The following ARCN1 variants were observed in gnomAD, a reference collection of about 807,000 sequenced individuals.
ARCN1 encodes archain 1 coat protein complex I subunit delta.
ARCN1 carries 5 observed loss-of-function variants against 60.4 expected under a neutral mutation model. That is an observed-to-expected ratio of 0.08 (90% CI 0.04 to 0.17). The LOEUF (loss-of-function observed/expected upper bound fraction) is 0.17. Among genes scored for constraint, ARCN1 ranks in the 10% least tolerant of loss-of-function variants. The pLI is 1.00. For missense variants in ARCN1, 464 were observed against 626.5 expected, an observed-to-expected ratio of 0.74 and a Z score of 2.77; for synonymous variants, 224 against 220.0, an observed-to-expected ratio of 1.02 and a Z score of -0.16.
In ARCN1 at chr11:118,583,939, G is replaced by C; in HGVS notation, c.578G>C (p.Gly193Ala). The change falls in exon 4 of 10, where the codon GGA (glycine) becomes GCA (alanine). Residue 193 changes from glycine (G) to alanine (A), a missense_variant. Physicochemically the swap from Gly to Ala is moderately conservative, Grantham distance 60 (BLOSUM62 0). Around this residue, in one of 2 missense-constraint regions of ARCN1, gnomAD observed 359 missense variants for 440.2 expected, o/e 0.82. Coordinates refer to ENST00000264028, the MANE Select transcript of ARCN1 (RefSeq NM_001655.5). Reference sequence around the variant, plus strand: ...GGATTTGGCAGCTCTGCAGTATCTGGAGGCAGCACAGCTGCCATGATCACA... The same window carrying C: ...GGATTTGGCAGCTCTGCAGTATCTGCAGGCAGCACAGCTGCCATGATCACA... ...FGGFGSSAVS[G>A]GSTAAMITET... 1 of 1,614,218 alleles carries C rather than the reference G, an allele frequency of 6.2e-7. No homozygotes were observed. The highest frequency in any genetic ancestry group is 8.5e-7 in the Non-Finnish European group (1 of 1,180,050).
At chr11:118,593,905 A>C (rs1938969432) in intron 8 of ARCN1, 3 of 399,990 alleles carry the variant, frequency 7.5e-6, no homozygotes, top group African/African-American at 2.0e-5. Flanking sequence ...TATTGAATAA[A>C]AATGAGGAGG....
chr11:118,589,229 G>C (rs1938843370), intron 5 of ARCN1, among the ~76,000 whole-genome samples: 1 of 152,054 alleles, frequency 6.6e-6, no homozygotes, highest in African/African-American at 2.4e-5. Context: ...ATAATGTTTA[G>C]AGAGAGAGAA....
intron 8 of ARCN1, among the ~76,000 whole-genome samples, chr11:118,596,245 C>T (rs1555077150): frequency 1.3e-5 from 2 of 152,160 alleles, no homozygotes; most frequent in Admixed American, 6.5e-5. Context: ...GTTATTGCTT[C>T]AGAACAATAG....
rs56050047 is a variant in ARCN1 at position 118,578,874 on chromosome 11, CTTTTTTTTTTTTTTT to C, written c.4-2354_4-2340del. 4.0e-3 allele frequency among the ~76,000 whole-genome samples: 335 copies of C among 83,484 alleles called. 3 individuals carry two copies. The highest frequency in any genetic ancestry group is 0.016 in the South Asian group (32 of 1,992). The allele number at this position is 83,484 out of a possible 152,430, so 54.8% of individuals were successfully genotyped here. ...GGCAACATGGCAAAACCCCGTCTCT[CTTTTTTTTTTTTTTT>C]TTTTTTTTTTTTTTTTTAATAAAAA... On this transcript the variant is annotated intron_variant, in intron 1 of 9. Coordinates refer to ENST00000264028, the MANE Select transcript of ARCN1 (RefSeq NM_001655.5).
chr11:118,578,122 A>G (rs1262779934), intron 1 of ARCN1, among the ~76,000 whole-genome samples: 2 of 151,958 alleles, frequency 1.3e-5, no homozygotes, highest in African/African-American at 4.8e-5. Context: ...AGATGGCACC[A>G]CTGCACTCCA....
chr11:118,588,557 ATTG>A (rs1273801987), intron 5 of ARCN1, among the ~76,000 whole-genome samples: 2 of 152,234 alleles, frequency 1.3e-5, no homozygotes, highest in Admixed American at 1.3e-4. Flanking sequence ...TTATTGTATC[ATTG>A]TTAGCCTGGC....
intron 3 of ARCN1, 134 bp from the exon 4 acceptor site, chr11:118,583,675 T>A (rs1286879326): frequency 1.1e-6 from 1 of 929,688 alleles, no homozygotes; most frequent in Non-Finnish European, 1.6e-6. Flanking sequence ...GGAGGATCAC[T>A]TGAGCCCAGG....
intron 5 of ARCN1, among the ~76,000 whole-genome samples, chr11:118,587,788 TC>T (rs1360844442): frequency 6.6e-6 from 1 of 152,202 alleles, no homozygotes; most frequent in Non-Finnish European, 1.5e-5. Flanking sequence ...CAGTCATAAG[TC>T]CAGACTTTCA....
intron 2 of ARCN1, among the ~76,000 whole-genome samples, chr11:118,582,113 T>G (rs1289261735): frequency 6.6e-6 from 1 of 151,652 alleles, no homozygotes; most frequent in Non-Finnish European, 1.5e-5. Context: ...CATTATACTT[T>G]AGTGTGGGCA....
At chr11:118,585,905 G>C (rs1938768286) in intron 5 of ARCN1, among the ~76,000 whole-genome samples, 1 of 152,158 alleles carries the variant, frequency 6.6e-6, no homozygotes, top group East Asian at 1.9e-4. Flanking sequence ...TCTCAGGGCT[G>C]TGGTACTGGT....
At chr11:118,595,434 C>T (rs1042083134) in intron 8 of ARCN1, among the ~76,000 whole-genome samples, 3 of 152,206 alleles carry the variant, frequency 2.0e-5, no homozygotes, top group African/African-American at 7.2e-5. Flanking sequence ...ATAAACTACA[C>T]ATATTTTAAT....
At chr11:118,573,035 T>C (rs1415316895) in intron 1 of ARCN1, 1 of 164,054 alleles carries the variant, frequency 6.1e-6, no homozygotes, top group Admixed American at 6.3e-5. Flanking sequence ...AATCCACTGG[T>C]GTCCAGAAAT....
chr11:118,584,720 T>C (rs1347831702), intron 5 of ARCN1, 76 bp downstream of exon 5: 2 of 1,277,724 alleles, frequency 1.6e-6, no homozygotes, highest in Non-Finnish European at 2.1e-6. Flanking sequence ...TATTTCAGTG[T>C]GCTATAAATT....
In ARCN1 at chr11:118,581,378, C is replaced by A. The variant is rs782795777; in HGVS notation, c.136C>A (p.His46Asn). The A allele has an allele frequency of 1.2e-5, 19 of 1,614,062 alleles. No homozygotes were observed. In the South Asian group the frequency reaches 2.1e-4, roughly 18 times the overall value. ...AAAGCTCATGAACACTGGAAAACAA[C>A]ATACGTTTGTTGAAACAGAGAGTGT... ...FPKLMNTGKQ[H>N]TFVETESVRY... The change falls in exon 2 of 10, where the codon CAT becomes AAT. Residue 46 changes from histidine (H) to asparagine (N), a missense_variant. Physicochemically the swap from His to Asn is moderately conservative, Grantham distance 68 (BLOSUM62 1). Transcript: ENST00000264028.
At chr11:118,596,702 G>A (rs1244183172) in intron 8 of ARCN1, among the ~76,000 whole-genome samples, 1 of 152,152 alleles carries the variant, frequency 6.6e-6, no homozygotes, top group Non-Finnish European at 1.5e-5. Context: ...CTGCCTGTCA[G>A]CCGTGTGTAG....
At chr11:118,599,299 G>A (rs1033149119) in intron 9 of ARCN1, among the ~76,000 whole-genome samples, 2 of 152,030 alleles carry the variant, frequency 1.3e-5, no homozygotes, top group Admixed American at 1.3e-4. Flanking sequence ...CACCATGTTG[G>A]CCAGGCTGGT....
chr11:118,601,869 T>C lies in ARCN1; in HGVS notation c.*1155T>C. 1 of 604,220 alleles carries C rather than the reference T, an allele frequency of 1.7e-6. No individual in the cohort carries two copies. Among genetic ancestry groups the C allele is most frequent in the Non-Finnish European group, 3.0e-6 (1 of 338,312 alleles). The allele number at this position is 604,220 out of a possible 1,614,324, so 37.4% of individuals were successfully genotyped here. On this transcript the variant is annotated 3_prime_UTR_variant, in exon 10 of 10. Coordinates refer to ENST00000264028, the MANE Select transcript of ARCN1 (RefSeq NM_001655.5). ...GATTTCACATCCACATGTAATCATG[T>C]CTGCTGCTGTTGCTACCCAAATTTT...
At chr11:118,575,425 T>C (rs1186851929) in intron 1 of ARCN1, among the ~76,000 whole-genome samples, 2 of 152,114 alleles carry the variant, frequency 1.3e-5, no homozygotes, top group East Asian at 3.8e-4. Flanking sequence ...TGTGTGTGTG[T>C]GTGTGTGTGT....
In ARCN1 at chr11:118,572,531, C is replaced by A. The variant is rs567714111; in HGVS notation, c.-17C>A. 6.2e-7 allele frequency: 1 copy of A among 1,611,452 alleles called. No homozygotes were observed. ...AGTGGAGCCGGAGTGCGGGCGCGCC[C>A]CACCACCGCCCTCACCATGGTAAGA... is the stretch of plus-strand genomic sequence containing the variant. On this transcript the variant is annotated 5_prime_UTR_variant, in exon 1 of 10. Transcript: ENST00000264028.
Sources: allele counts gnomAD v4.1 joint callset (sites outside exome capture counted in the v4.1 genomes callset), GRCh38; gene constraint gnomAD v4.1.1; regional missense constraint gnomAD v4.1.1; transcripts MANE v1.5; gene names NCBI Gene and HGNC (gene_info 2026-07-23, HGNC 2026-07-21).